The following MTFMT variants were observed in gnomAD, a reference collection of about 807,000 sequenced individuals.
MTFMT encodes the protein methionyl-tRNA formyltransferase, mitochondrial.
In MTFMT, 47 loss-of-function variants were observed where a neutral mutation model predicts 51.8. The observed-to-expected ratio is 0.91, with a 90% confidence interval of 0.72 to 1.16. The LOEUF is 1.16. MTFMT is among the 50% of genes most tolerant of loss of function. The pLI, the probability that MTFMT is intolerant of heterozygous loss-of-function variation, is 0.00. For missense variants in MTFMT, 512 were observed against 482.3 expected, an observed-to-expected ratio of 1.06 and a Z score of -0.58; for synonymous variants, 196 against 176.7, an observed-to-expected ratio of 1.11 and a Z score of -0.87.
intron 5 of MTFMT, among the ~76,000 whole-genome samples, chr15:65,019,645 G>C: frequency 6.6e-6 from 1 of 151,602 alleles, no homozygotes. Context: ...GAAAAAAAGA[G>C]GAATTTTTTT....
At position 65,009,926 on chromosome 15, in the gene MTFMT, T is replaced by A. The variant is rs529018421; in HGVS notation, c.814-3735A>T. Among the ~76,000 whole-genome samples, 3 of 152,260 alleles carry A rather than the reference T, an allele frequency of 2.0e-5. No individual in the cohort carries two copies. The East Asian group carries it at 5.8e-4, about 29-fold the overall frequency. On this transcript the variant is annotated intron_variant, in intron 6 of 8. Coordinates refer to ENST00000220058, the MANE Select transcript of MTFMT (RefSeq NM_139242.4). ...TTCTTGGCCTCCCAAAGTGCTGGTA[T>A]TACAGGTGTGAGCCACCACACCCAA...
chr15:65,029,085 C>T (rs7175761), intron 1 of MTFMT, among the ~76,000 whole-genome samples: 104,581 of 151,968 alleles, frequency 0.69, 39,424 homozygotes, highest in East Asian at 0.95. Flanking sequence ...TCAAAACGGG[C>T]AGGGAGGCCG....
At chr15:65,003,845 C>CAAAAAAAAAAAAAAAAAAA (rs768884218) in intron 8 of MTFMT, among the ~76,000 whole-genome samples, 8 of 40,646 alleles carry the variant, frequency 2.0e-4, no homozygotes, top group Non-Finnish European at 2.7e-4. Context: ...AACTCCATCT[C>CAAAAAAAAAAAAAAAAAAA]AAAAAAAAAA....
chr15:65,006,318 T>TTTGA lies in MTFMT; in HGVS notation c.814-131_814-128dup, dbSNP rs2140474246. The TTTGA allele has an allele frequency of 4.5e-6, 3 of 668,412 alleles. No homozygotes were observed. In the Admixed American group the frequency reaches 6.4e-5, roughly 14 times the overall value. 41.4% of individuals were successfully genotyped at this position (668,412 alleles called of 1,614,324 possible). ...AGGAATTGGGAACTCAGTCACTAAG[T>TTTGA]TTGATGGAACAGACCGTAAACATGA... On this transcript the variant is annotated intron_variant, in intron 6 of 8. Coordinates refer to ENST00000220058, the MANE Select transcript of MTFMT (RefSeq NM_139242.4).
intron 8 of MTFMT, 67 bp downstream of exon 8, chr15:65,004,787 T>G: frequency 9.4e-7 from 1 of 1,064,186 alleles, no homozygotes; most frequent in Non-Finnish European, 1.3e-6. Flanking sequence ...CAACTAAAAA[T>G]AATAAATGAT....
chr15:65,007,978 C>T (rs1481274502), intron 6 of MTFMT, among the ~76,000 whole-genome samples: 1 of 151,906 alleles, frequency 6.6e-6, no homozygotes, highest in Non-Finnish European at 1.5e-5. Flanking sequence ...TTTGGTGGTT[C>T]GTATCATACT....
At chr15:65,013,197 C>T (rs2086284988) in intron 6 of MTFMT, among the ~76,000 whole-genome samples, 1 of 152,046 alleles carries the variant, frequency 6.6e-6, no homozygotes, top group African/African-American at 2.4e-5. Context: ...GAATAGAAGA[C>T]ATTTAACTTT....
rs773172165 is a variant in MTFMT, at chr15:65,026,972, C to G, written c.278G>C (p.Gly93Ala). The G allele has an allele frequency of 3.7e-6, 6 of 1,613,966 alleles. No individual in the cohort carries two copies. The Admixed American group carries it at 1.0e-4, about 27-fold the overall frequency. The change falls in exon 2 of 9, where the codon GGA becomes GCA. Residue 93 changes from glycine (G) to alanine (A), a missense_variant. By Grantham distance (60) the Gly-to-Ala change is moderately conservative. Coordinates refer to ENST00000220058, the MANE Select transcript of MTFMT (RefSeq NM_139242.4). The part of the protein sequence containing the change: ...VVTMPSPSPK[G>A]LPVKQYAVQS... Reference sequence around the variant, plus strand: ...CACAGCATATTGCTTCACTGGCAGTCCTTTTGGTGATGGGGAAGGCATTGT... The same window carrying G: ...CACAGCATATTGCTTCACTGGCAGTGCTTTTGGTGATGGGGAAGGCATTGT...
chr15:65,022,368 G>A (rs1482323366), intron 3 of MTFMT, among the ~76,000 whole-genome samples: 1 of 151,798 alleles, frequency 6.6e-6, no homozygotes, highest in African/African-American at 2.4e-5. Context: ...CAGGAGAATC[G>A]CTTGAACCTG....
At chr15:65,009,658 A>AT (rs956494278) in intron 6 of MTFMT, among the ~76,000 whole-genome samples, 110 of 142,936 alleles carry the variant, frequency 7.7e-4, no homozygotes, top group African/African-American at 1.4e-3. Context: ...TATTTTTTTA[A>AT]TTTTTTTTTT....
chr15:65,013,185 T>C (rs1021093361), intron 6 of MTFMT, among the ~76,000 whole-genome samples: 7 of 152,192 alleles, frequency 4.6e-5, no homozygotes, highest in African/African-American at 1.4e-4. Context: ...CAGAACAAAG[T>C]TGAATAGAAG....
chr15:65,023,989 T>G (rs959185670), intron 2 of MTFMT, among the ~76,000 whole-genome samples, 195 bp from the exon 3 acceptor site: 5 of 152,168 alleles, frequency 3.3e-5, no homozygotes, highest in African/African-American at 1.2e-4. Context: ...AAGAAACCAA[T>G]GACATTTAAT....
chr15:65,025,122 C>T (rs1566944441), intron 2 of MTFMT, among the ~76,000 whole-genome samples: 1 of 150,286 alleles, frequency 6.7e-6, no homozygotes, highest in Non-Finnish European at 1.5e-5. Context: ...AGGCAGGGTA[C>T]AGTGGCTCAT....
chr15:65,029,093 C>T (rs1359348292), intron 1 of MTFMT, among the ~76,000 whole-genome samples: 1 of 152,190 alleles, frequency 6.6e-6, no homozygotes, highest in Admixed American at 6.5e-5. Flanking sequence ...GGCAGGGAGG[C>T]CGTGGGACTG....
intron 6 of MTFMT, among the ~76,000 whole-genome samples, chr15:65,007,454 A>T (rs2086227489): frequency 1.3e-5 from 2 of 152,232 alleles, no homozygotes; most frequent in African/African-American, 4.8e-5. Context: ...AATTTATGCA[A>T]CTACCTTTAT....
At chr15:65,023,891 C>A in intron 2 of MTFMT, 97 bp from the exon 3 acceptor site, 1 of 1,190,650 alleles carries the variant, frequency 8.4e-7, no homozygotes, top group Non-Finnish European at 1.1e-6. Context: ...GGAAACTTTC[C>A]CAGAAATTTG....
At chr15:65,025,412 GAAAT>G (rs3057964) in intron 2 of MTFMT, among the ~76,000 whole-genome samples, 21 of 148,754 alleles carry the variant, frequency 1.4e-4, no homozygotes, top group East Asian at 6.0e-4. Context: ...CAATAAAATA[GAAAT>G]AAATAAATAA....
At chr15:65,027,531 T>TA (rs1358644004) in intron 1 of MTFMT, among the ~76,000 whole-genome samples, 38 of 152,316 alleles carry the variant, frequency 2.5e-4, no homozygotes, top group African/African-American at 8.9e-4. Context: ...TTTAATTATT[T>TA]AAAATGTAAA....
intron 8 of MTFMT, among the ~76,000 whole-genome samples, chr15:65,003,982 C>T (rs1361327026): frequency 6.6e-6 from 1 of 151,708 alleles, no homozygotes; most frequent in East Asian, 1.9e-4. Flanking sequence ...TATTCACAGT[C>T]TGTAGGTCAG....
Sources: allele counts gnomAD v4.1 joint callset (sites outside exome capture counted in the v4.1 genomes callset), GRCh38; gene constraint gnomAD v4.1.1; transcripts MANE v1.5; gene names NCBI Gene and HGNC (gene_info 2026-07-23, HGNC 2026-07-21).